Variants in NCAM1 observed in about 807,000 individuals in gnomAD.
NCAM1 encodes neural cell adhesion molecule 1.
NCAM1 carries 14 observed loss-of-function variants against 109.8 expected under a neutral mutation model. The observed-to-expected ratio is 0.13, with a 90% CI of 0.08 to 0.20. NCAM1 has a LOEUF of 0.20. Among genes scored for constraint, NCAM1 ranks in the 10% least tolerant of loss-of-function variants. The pLI is 1.00. For missense variants in NCAM1, 774 were observed against 1,109.9 expected (o/e 0.70, Z 4.30); for synonymous variants, 418 against 442.9 (o/e 0.94, Z 0.70).
intron 1 of NCAM1, among the ~76,000 whole-genome samples, chr11:113,183,263 C>T (rs1040159065): frequency 1.9e-4 from 29 of 152,154 alleles, no homozygotes; most frequent in African/African-American, 6.0e-4. Flanking sequence ...TGCCACAGAA[C>T]CCAGGAGGAC....
intron 1 of NCAM1, among the ~76,000 whole-genome samples, chr11:113,185,068 T>TTATA (rs148340673): frequency 0.037 from 3,659 of 99,430 alleles, 119 homozygotes; most frequent in South Asian, 0.089. Flanking sequence ...GCATTTATAT[T>TTATA]TATATATATA....
intron 1 of NCAM1, among the ~76,000 whole-genome samples, chr11:113,067,297 T>G (rs187541095): frequency 2.7e-3 from 407 of 152,332 alleles, no homozygotes; most frequent in Non-Finnish European, 5.0e-3. Context: ...TTTTCCAGAC[T>G]CATGTGCTTT....
intron 1 of NCAM1, among the ~76,000 whole-genome samples, chr11:112,997,550 G>A (rs914463455): frequency 6.6e-6 from 1 of 152,070 alleles, no homozygotes; most frequent in African/African-American, 2.4e-5. Context: ...ATGAGTTCAA[G>A]GCCAGGAACA....
intron 16 of NCAM1, among the ~76,000 whole-genome samples, chr11:113,257,566 G>A (rs558934537): frequency 3.3e-5 from 5 of 152,306 alleles, no homozygotes; most frequent in African/African-American, 7.2e-5. Flanking sequence ...CAACCATGTC[G>A]GATGTCAGTT....
At chr11:112,981,195 T>C (rs1951146229) in intron 1 of NCAM1, among the ~76,000 whole-genome samples, 1 of 151,864 alleles carries the variant, frequency 6.6e-6, no homozygotes, top group Non-Finnish European at 1.5e-5. Flanking sequence ...GGCTTATCAT[T>C]CATTCTCTGT....
chr11:113,025,227 T>C (rs1219491360), intron 1 of NCAM1, among the ~76,000 whole-genome samples: 6 of 152,220 alleles, frequency 3.9e-5, no homozygotes, highest in Non-Finnish European at 7.3e-5. Context: ...CATAGAATTA[T>C]ACTGGACATT....
At chr11:113,185,300 C>T in intron 1 of NCAM1, among the ~76,000 whole-genome samples, 1 of 151,876 alleles carries the variant, frequency 6.6e-6, no homozygotes, top group East Asian at 1.9e-4. Context: ...AATGTCCCAG[C>T]TCAAAGATAG....
At chr11:113,240,789 C>T (rs190348551) in intron 14 of NCAM1, 2 of 1,613,504 alleles carry the variant, frequency 1.2e-6, no homozygotes, top group African/African-American at 1.3e-5. Context: ...TCTTCAGCGG[C>T]ATCTGCTAGC....
chr11:113,240,765 C>G (rs782664659), intron 14 of NCAM1: 1 of 1,611,822 alleles, frequency 6.2e-7, no homozygotes, highest in Admixed American at 1.7e-5. Context: ...TTTTTCCCCA[C>G]CTTCATTTTT....
chr11:113,149,503 G>A (rs1045999286), intron 1 of NCAM1, among the ~76,000 whole-genome samples: 2 of 152,154 alleles, frequency 1.3e-5, no homozygotes, highest in Admixed American at 6.5e-5. Flanking sequence ...GATCAGAAGG[G>A]CTGGTGGCTG....
intron 1 of NCAM1, among the ~76,000 whole-genome samples, chr11:113,078,416 G>A (rs1412530936): frequency 5.3e-5 from 8 of 151,382 alleles, no homozygotes; most frequent in South Asian, 2.1e-4. Flanking sequence ...CTTATTCACC[G>A]GCACTGGGGG....
rs17115206 is a variant in NCAM1 at position 113,231,633 on chromosome 11, C to G, written c.1090-12C>G. The G allele has an allele frequency of 3.7e-5, 60 of 1,612,262 alleles. No homozygotes were observed. The highest frequency in any genetic ancestry group is 2.3e-4 in the African/African-American group (17 of 74,972). On this transcript the variant is annotated splice_polypyrimidine_tract_variant and intron_variant, in intron 9 of 19. Coordinates refer to ENST00000316851, the MANE Select transcript of NCAM1 (RefSeq NM_181351.5). ...GGCTCTGACATGCTCCCTTCCCCCC[C>G]ACCCCCGGCAGACTCTGGATGGGCA...
chr11:113,056,954 T>G (rs1045134394), intron 1 of NCAM1, among the ~76,000 whole-genome samples: 1 of 152,226 alleles, frequency 6.6e-6, no homozygotes. Flanking sequence ...ATCCAATTAT[T>G]AAAAATTCCT....
chr11:113,166,426 T>C (rs1005206966), intron 1 of NCAM1, among the ~76,000 whole-genome samples: 1 of 152,212 alleles, frequency 6.6e-6, no homozygotes, highest in Non-Finnish European at 1.5e-5. Context: ...CCTCTACCAT[T>C]ACAAATCCAG....
intron 13 of NCAM1, among the ~76,000 whole-genome samples, chr11:113,234,254 C>T (rs563335692): frequency 1.4e-5 from 2 of 138,072 alleles, no homozygotes; most frequent in African/African-American, 2.6e-5. Context: ...TCTGTCCACC[C>T]GACTTTTTTT....
In NCAM1 at chr11:113,275,713, T is replaced by A. The variant is rs1307317745; in HGVS notation, c.*326T>A. On this transcript the variant is annotated 3_prime_UTR_variant, in exon 20 of 20. Transcript: ENST00000316851. ...AAAATCAAACAAAAGGACCCCAAAT[T>A]AAGAATCTAGGAAGCTCAGAAACGA... The A allele has an allele frequency of 5.0e-6, 1 of 200,570 alleles. No individual in the cohort carries two copies. The highest frequency in any genetic ancestry group is 1.0e-5 in the Non-Finnish European group (1 of 98,896). 12.4% of individuals were successfully genotyped at this position (200,570 alleles called of 1,614,324 possible).
chr11:113,164,035 A>G (rs1367229131), intron 1 of NCAM1, among the ~76,000 whole-genome samples: 5 of 152,142 alleles, frequency 3.3e-5, no homozygotes, highest in African/African-American at 1.2e-4. Flanking sequence ...GGTTGGATGG[A>G]GCATCCTCCC....
rs559016729 is a variant in NCAM1 at position 113,053,967 on chromosome 11, C to T, written c.52+92303C>T. Among the ~76,000 whole-genome samples, 16 of 152,296 alleles carry T rather than the reference C, an allele frequency of 1.1e-4. No individual in the cohort carries two copies. In the South Asian group the frequency reaches 1.9e-3, roughly 18 times the overall value. ...GGTCTAGGCAGGGGTGGACTTGGGC[C>T]GTCTCTGCCATGCTGTGTTCAGAAT... On this transcript the variant is annotated intron_variant, in intron 1 of 19. Coordinates refer to ENST00000316851, the MANE Select transcript of NCAM1 (RefSeq NM_181351.5).
intron 1 of NCAM1, among the ~76,000 whole-genome samples, chr11:113,197,693 G>A (rs1255584924): frequency 2.0e-5 from 3 of 152,120 alleles, no homozygotes; most frequent in East Asian, 1.9e-4. Flanking sequence ...AATTAGCCAC[G>A]GGAGAGACTT....
Sources: gnomAD v4.1 joint callset for allele counts (sites outside exome capture counted in the v4.1 genomes callset) on GRCh38, gnomAD v4.1.1 for gene constraint, MANE v1.5 for transcripts, NCBI Gene and HGNC (gene_info 2026-07-23, HGNC 2026-07-21) for gene names.